DEPTOR: variants seen among roughly 807,000 people sequenced by gnomAD.
DEPTOR encodes the protein DEP domain containing MTOR interacting protein.
Under a neutral mutation model 41.6 loss-of-function variants are expected in DEPTOR, and 41 were observed. That is an observed-to-expected ratio of 0.98 (90% CI 0.77 to 1.28). The LOEUF is 1.28. DEPTOR is among the 50% of genes most tolerant of loss of function. The pLI, the probability that DEPTOR is intolerant of heterozygous loss-of-function variation, is 0.00. For synonymous variants in DEPTOR, 195 were observed against 192.3 expected (o/e 1.01, Z -0.12); for missense variants, 514 against 527.9 (o/e 0.97, Z 0.26).
Position 119,972,488 on chromosome 8 carries a change from TAGC to T in DEPTOR, c.604+7080_604+7082del, listed in dbSNP as rs1335052292. Among the ~76,000 whole-genome samples the T allele has an allele frequency of 1.7e-3, 256 of 152,100 alleles. 6 individuals are homozygous for T. In the East Asian group the frequency reaches 0.046, roughly 27 times the overall value. On this transcript the variant is annotated intron_variant, in intron 4 of 8. Transcript: ENST00000286234. ...AAATACAAAAATTAGCCAGGTGTGG[TAGC>T]ATGTGCCGGTAGTCCCAGCTACTTG...
At chr8:120,034,763 TTAA>T (rs1812952561) in intron 8 of DEPTOR, among the ~76,000 whole-genome samples, 1 of 152,154 alleles carries the variant, frequency 6.6e-6, no homozygotes, top group African/African-American at 2.4e-5. Flanking sequence ...ATTAGTAACT[TTAA>T]TACTGCATCT....
At position 119,961,286 on chromosome 8, in the gene DEPTOR, C is replaced by T. The variant is rs529458115; in HGVS notation, c.426-3946C>T. ...ACAAAATTAGCCAGGTGTGGTGGTGCATGCCTGTTATCCCAGCTACTTGGG... is the reference window on the plus strand; with the variant it reads ...ACAAAATTAGCCAGGTGTGGTGGTGTATGCCTGTTATCCCAGCTACTTGGG... On this transcript the variant is annotated intron_variant, in intron 3 of 8. Coordinates refer to ENST00000286234, the MANE Select transcript of DEPTOR (RefSeq NM_022783.4). Among the ~76,000 whole-genome samples the T allele has an allele frequency of 2.6e-5, 4 of 151,840 alleles. No homozygotes were observed. In the East Asian group the frequency reaches 7.8e-4, roughly 30 times the overall value.
chr8:119,944,126 C>T (rs892033163), intron 3 of DEPTOR, among the ~76,000 whole-genome samples: 1 of 152,192 alleles, frequency 6.6e-6, no homozygotes, highest in African/African-American at 2.4e-5. Context: ...AGGCGTTAGC[C>T]ACCGCTCTGG....
At chr8:119,992,500 T>C (rs1812187222) in intron 4 of DEPTOR, among the ~76,000 whole-genome samples, 1 of 152,156 alleles carries the variant, frequency 6.6e-6, no homozygotes, top group Non-Finnish European at 1.5e-5. Context: ...CAGGGCACAG[T>C]TGATGTCTGC....
At chr8:119,921,335 G>A (rs559839357) in intron 1 of DEPTOR, among the ~76,000 whole-genome samples, 1 of 152,242 alleles carries the variant, frequency 6.6e-6, no homozygotes, top group Admixed American at 6.5e-5. Context: ...CAAATATTAA[G>A]TATTTGCTGT....
intron 3 of DEPTOR, among the ~76,000 whole-genome samples, chr8:119,947,377 C>T (rs4871029): frequency 0.049 from 7,508 of 152,250 alleles, 289 homozygotes; most frequent in South Asian, 0.17. Flanking sequence ...TCATATTCTG[C>T]TTTTGCAAGC....
intron 3 of DEPTOR, among the ~76,000 whole-genome samples, chr8:119,953,130 A>G (rs1828374520): frequency 6.6e-6 from 1 of 152,094 alleles, no homozygotes; most frequent in African/African-American, 2.4e-5. Flanking sequence ...CCAAGGGAAA[A>G]CTTTCCCTTT....
intron 3 of DEPTOR, among the ~76,000 whole-genome samples, chr8:119,959,698 T>A (rs1416622058): frequency 6.6e-6 from 1 of 151,642 alleles, no homozygotes; most frequent in Non-Finnish European, 1.5e-5. Context: ...ACCCAACCAA[T>A]TTTTGTATTT....
intron 4 of DEPTOR, among the ~76,000 whole-genome samples, chr8:119,993,046 A>G (rs1812196985): frequency 1.3e-5 from 2 of 152,198 alleles, no homozygotes; most frequent in Non-Finnish European, 2.9e-5. Context: ...GTTGAATGGG[A>G]GCCAATTTCC....
rs1005198557 is a variant in DEPTOR at position 119,922,017 on chromosome 8, C to A, written c.123-6383C>A. Among the ~76,000 whole-genome samples, 29 of 151,966 alleles carry A rather than the reference C, an allele frequency of 1.9e-4. 1 individual carries two copies. The highest frequency in any genetic ancestry group is 7.4e-5 in the Non-Finnish European group (5 of 68,008). The stretch of plus-strand genomic sequence containing the variant: ...CTTTGGGAGGCCGAGGTGGGTGGAT[C>A]ACCTGAGGTCAGGCGTTTGAGACCA... On this transcript the variant is annotated intron_variant, in intron 1 of 8. Coordinates refer to ENST00000286234, the MANE Select transcript of DEPTOR (RefSeq NM_022783.4).
chr8:119,933,259 G>A (rs951836481), intron 3 of DEPTOR, among the ~76,000 whole-genome samples: 1 of 151,890 alleles, frequency 6.6e-6, no homozygotes, highest in South Asian at 2.1e-4. Flanking sequence ...GGAGGCTGAG[G>A]TGGGCAGATC....
chr8:119,906,588 G>C (rs1228446259), intron 1 of DEPTOR, among the ~76,000 whole-genome samples: 1 of 152,188 alleles, frequency 6.6e-6, no homozygotes, highest in Non-Finnish European at 1.5e-5. Context: ...CTGTGAGAGA[G>C]GCCAGGCCTG....
chr8:119,960,806 A>T (rs1828480292), intron 3 of DEPTOR, among the ~76,000 whole-genome samples: 1 of 152,120 alleles, frequency 6.6e-6, no homozygotes, highest in African/African-American at 2.4e-5. Context: ...CAACATGATG[A>T]AACCCCGTCT....
At chr8:120,016,121 A>G (rs1407309044) in intron 8 of DEPTOR, among the ~76,000 whole-genome samples, 1 of 152,098 alleles carries the variant, frequency 6.6e-6, no homozygotes, top group Non-Finnish European at 1.5e-5. Flanking sequence ...TAACTTCTTA[A>G]TAACTCTTTC....
At chr8:119,996,481 G>A (rs1237646918) in intron 4 of DEPTOR, among the ~76,000 whole-genome samples, 1 of 152,184 alleles carries the variant, frequency 6.6e-6, no homozygotes, top group South Asian at 2.1e-4. Flanking sequence ...GAGAGAATGT[G>A]ATGAAGAAGG....
At chr8:119,922,742 G>A (rs1000971316) in intron 1 of DEPTOR, among the ~76,000 whole-genome samples, 1 of 152,164 alleles carries the variant, frequency 6.6e-6, no homozygotes, top group East Asian at 1.9e-4. Context: ...AAACTCTGAT[G>A]CTCAGAGGTT....
At chr8:119,889,126 A>G (rs1827413515) in intron 1 of DEPTOR, among the ~76,000 whole-genome samples, 1 of 152,156 alleles carries the variant, frequency 6.6e-6, no homozygotes, top group Non-Finnish European at 1.5e-5. Flanking sequence ...ATTAAAATGA[A>G]GTTATTCAAA....
intron 4 of DEPTOR, among the ~76,000 whole-genome samples, chr8:120,001,106 T>C (rs1004072415): frequency 3.3e-5 from 5 of 151,142 alleles, no homozygotes; most frequent in African/African-American, 1.2e-4. Context: ...CGAGTGTGGC[T>C]ATGAGACAAG....
Position 120,001,725 on chromosome 8 carries a change from C to T in DEPTOR, c.790+15C>T. The T allele has an allele frequency of 6.2e-7, 1 of 1,602,416 alleles. No individual in the cohort carries two copies. On this transcript the variant is annotated intron_variant, in intron 5 of 8. Coordinates refer to ENST00000286234, the MANE Select transcript of DEPTOR (RefSeq NM_022783.4). ...CTTTATGTCAGGTATGCCATCCCGG[C>T]ATTTATTGGAGCTCAAGTGTTTGTC...
Sources: gnomAD v4.1 joint callset for allele counts (sites outside exome capture counted in the v4.1 genomes callset) on GRCh38, gnomAD v4.1.1 for gene constraint, MANE v1.5 for transcripts, NCBI Gene and HGNC (gene_info 2026-07-23, HGNC 2026-07-21) for gene names.